Variants in SHROOM3 observed in about 807,000 individuals in gnomAD.
SHROOM3 encodes the protein protein Shroom3.
A neutral mutation model predicts 138.6 loss-of-function variants in SHROOM3; 47 were observed. The ratio of observed to expected loss-of-function variants is 0.34; its 90% confidence interval spans 0.27 to 0.43. The LOEUF (loss-of-function observed/expected upper bound fraction) is 0.43. Ranked by LOEUF, SHROOM3 falls within the 20% of genes least tolerant of loss-of-function variation. The pLI is 1.00. For synonymous variants in SHROOM3, 1,062 were observed against 1,063.3 expected (o/e 1.00, Z 0.02); for missense variants, 2,491 against 2,596.5 (o/e 0.96, Z 0.88).
intron 2 of SHROOM3, among the ~76,000 whole-genome samples, chr4:76,639,183 A>G (rs563237202): frequency 3.0e-4 from 46 of 152,286 alleles, no homozygotes; most frequent in African/African-American, 1.0e-3. Flanking sequence ...AATAACCCCA[A>G]TGGAACAATC....
intron 2 of SHROOM3, among the ~76,000 whole-genome samples, chr4:76,619,402 G>A (rs565831088): frequency 7.2e-5 from 11 of 152,264 alleles, no homozygotes; most frequent in Admixed American, 2.6e-4. Flanking sequence ...GACCAATCCA[G>A]TCTTGGGAGA....
chr4:76,646,984 A>G (rs1174707644), intron 2 of SHROOM3, among the ~76,000 whole-genome samples: 1 of 152,226 alleles, frequency 6.6e-6, no homozygotes, highest in East Asian at 1.9e-4. Flanking sequence ...TTTGAGCGCT[A>G]TTCACAATAG....
intron 9 of SHROOM3, among the ~76,000 whole-genome samples, chr4:76,765,642 C>T (rs778372996): frequency 2.0e-5 from 3 of 152,104 alleles, no homozygotes; most frequent in African/African-American, 4.8e-5. Flanking sequence ...ACGTTACTGG[C>T]GATGTGGTCT....
In SHROOM3 at chr4:76,779,503, C is replaced by T. The variant is rs1722677979; in HGVS notation, c.*326C>T. The T allele has an allele frequency of 3.6e-6, 1 of 278,718 alleles. No individual in the cohort carries two copies. The highest frequency in any genetic ancestry group is 6.8e-6 in the Non-Finnish European group (1 of 146,548). The allele number at this position is 278,718 out of a possible 1,614,324, so 17.3% of individuals were successfully genotyped here. On this transcript the variant is annotated 3_prime_UTR_variant, in exon 11 of 11. Coordinates refer to ENST00000296043, the MANE Select transcript of SHROOM3 (RefSeq NM_020859.4). The stretch of plus-strand genomic sequence containing the variant: ...TGAGGCAACATGGATCAGTGTGTGT[C>T]CCCCTCAGGAATGTATCCACAGTGG...
chr4:76,518,636 G>A (rs1028838652), intron 1 of SHROOM3, among the ~76,000 whole-genome samples: 12 of 151,784 alleles, frequency 7.9e-5, no homozygotes, highest in African/African-American at 2.2e-4. Context: ...ATCAAAAATG[G>A]CTGTTCACAT....
rs1186099037 is a variant in SHROOM3, at chr4:76,457,798, CT to C, written c.168+21593del. 6.9e-3 allele frequency among the ~76,000 whole-genome samples: 948 copies of C among 137,932 alleles called. 3 individuals are homozygous for C. Among genetic ancestry groups the C allele is most frequent in the African/African-American group, 0.017 (640 of 37,712 alleles). The allele number at this position is 137,932 out of a possible 152,430, so 90.5% of individuals were successfully genotyped here. ...AGCCACCGAGCCTGGCTTTTCTTTTCTTTTTTTTTTTTTTTGAGAGGGAGTC... is the reference window on the plus strand; with the variant it reads ...AGCCACCGAGCCTGGCTTTTCTTTTCTTTTTTTTTTTTTTGAGAGGGAGTC... On this transcript the variant is annotated intron_variant, in intron 1 of 10. Coordinates refer to ENST00000296043, the MANE Select transcript of SHROOM3 (RefSeq NM_020859.4).
At chr4:76,462,753 T>A (rs1429164989) in intron 1 of SHROOM3, among the ~76,000 whole-genome samples, 2 of 147,358 alleles carry the variant, frequency 1.4e-5, no homozygotes, top group African/African-American at 5.1e-5. Context: ...CATCTCCCTC[T>A]CCCTCTCCCT....
chr4:76,740,261 A>T lies in SHROOM3; in HGVS notation c.2088A>T (p.Ala696=). The change falls in exon 5 of 11, where the codon GCA becomes GCT. Residue 696 remains alanine (A), a synonymous_variant. Coordinates refer to ENST00000296043, the MANE Select transcript of SHROOM3 (RefSeq NM_020859.4). This position sits in a 1 kb window ranked among gnomAD's most constrained non-coding sequence, Gnocchi z 4.0. ...EGYPGGRPTC[A]VNTKAEDPGR... Reference sequence around the variant, plus strand: ...ACCCCGGGGGCAGGCCCACCTGTGCAGTCAACACCAAGGCAGAAGACCCTG... The same window carrying T: ...ACCCCGGGGGCAGGCCCACCTGTGCTGTCAACACCAAGGCAGAAGACCCTG... 1 of 1,613,268 alleles carries T rather than the reference A, an allele frequency of 6.2e-7. No individual in the cohort carries two copies.
chr4:76,664,731 TTAAGTA>T lies in SHROOM3; in HGVS notation c.324-45422_324-45417del, dbSNP rs909076933. 2.0e-5 allele frequency among the ~76,000 whole-genome samples: 3 copies of T among 152,236 alleles called. No homozygotes were observed. Among genetic ancestry groups the T allele is most frequent in the African/African-American group, 4.8e-5 (2 of 41,466 alleles). On this transcript the variant is annotated intron_variant, in intron 2 of 10. Coordinates refer to ENST00000296043, the MANE Select transcript of SHROOM3 (RefSeq NM_020859.4). The surrounding 1 kb of genome is among the most constrained non-coding windows in gnomAD (Gnocchi z 4.2). ...ATGTTAAGTGTATAGTTCAATAAGT[TTAAGTA>T]TATCAAAGTTATTGTGCAATGGAGC...
chr4:76,448,490 A>G (rs1479784627), intron 1 of SHROOM3, among the ~76,000 whole-genome samples: 3 of 152,174 alleles, frequency 2.0e-5, no homozygotes, highest in South Asian at 2.1e-4. Flanking sequence ...GCAACCCTCC[A>G]TGACCAACTG....
At chr4:76,587,961 A>G (rs576727541) in intron 2 of SHROOM3, among the ~76,000 whole-genome samples, 1 of 152,358 alleles carries the variant, frequency 6.6e-6, no homozygotes, top group South Asian at 2.1e-4. Flanking sequence ...GAATATATAA[A>G]TCAAAGGTAA....
intron 1 of SHROOM3, among the ~76,000 whole-genome samples, chr4:76,476,469 C>T (rs907989284): frequency 3.3e-5 from 5 of 152,296 alleles, no homozygotes; most frequent in African/African-American, 1.2e-4. Context: ...TTCTTGTAAA[C>T]CAGCTTAGTG....
rs769852334 is a variant in SHROOM3, at chr4:76,781,058, ACT to A, written c.*1884_*1885del. 6.6e-5 allele frequency: 10 copies of A among 151,954 alleles called. No individual in the cohort carries two copies. The highest frequency in any genetic ancestry group is 1.0e-4 in the Non-Finnish European group (7 of 67,998). 9.4% of individuals were successfully genotyped at this position (151,954 alleles called of 1,614,324 possible). ...ATCCAGGGGGCTCCCAGTTCCCAACACTCTTCGAGATGACCATTTTTCGGGAT... is the reference window on the plus strand; with the variant it reads ...ATCCAGGGGGCTCCCAGTTCCCAACACTTCGAGATGACCATTTTTCGGGAT... On this transcript the variant is annotated 3_prime_UTR_variant, in exon 11 of 11. Coordinates refer to ENST00000296043, the MANE Select transcript of SHROOM3 (RefSeq NM_020859.4).
chr4:76,554,956 G>T (rs1387671340), intron 1 of SHROOM3, among the ~76,000 whole-genome samples: 3 of 151,432 alleles, frequency 2.0e-5, no homozygotes, highest in Non-Finnish European at 2.9e-5. Context: ...ACATGCGAGG[G>T]ATCTAGGTAG....
intron 2 of SHROOM3, among the ~76,000 whole-genome samples, chr4:76,603,858 T>G (rs1232929902): frequency 6.7e-6 from 1 of 149,044 alleles, no homozygotes; most frequent in Non-Finnish European, 1.5e-5. Context: ...TTTTTTTTTT[T>G]TTGAGATGGA....
At chr4:76,523,862 C>T (rs564057922) in intron 1 of SHROOM3, among the ~76,000 whole-genome samples, 4 of 152,104 alleles carry the variant, frequency 2.6e-5, no homozygotes, top group East Asian at 1.9e-4. Flanking sequence ...GAACAAGGGG[C>T]GTGTGTGTGT....
rs559667555 is a variant in SHROOM3, at chr4:76,608,673, TAGCACAGCACAGCACAGCAC to T, written c.323+52950_323+52969del. Reference sequence around the variant, plus strand: ...TAGCATAGCATAGCATAGCACAGCATAGCACAGCACAGCACAGCACAGCACAGCACAGCACAGCACAGCAC... The same window carrying T: ...TAGCATAGCATAGCATAGCACAGCATAGCACAGCACAGCACAGCACAGCAC... On this transcript the variant is annotated intron_variant, in intron 2 of 10. Transcript: ENST00000296043. Among the ~76,000 whole-genome samples, 796 of 108,082 alleles carry T rather than the reference TAGCACAGCACAGCACAGCAC, an allele frequency of 7.4e-3. 106 individuals carry two copies. Among genetic ancestry groups the T allele is most frequent in the East Asian group, 0.023 (64 of 2,774 alleles). 70.9% of individuals were successfully genotyped at this position (108,082 alleles called of 152,430 possible). A position where few individuals can be genotyped will look rare whatever the true frequency, so the allele number is the denominator to read the frequency against.
chr4:76,752,460 T>A (rs940180376), intron 6 of SHROOM3, among the ~76,000 whole-genome samples: 17 of 152,224 alleles, frequency 1.1e-4, no homozygotes, highest in African/African-American at 3.6e-4. Context: ...CACAATTTTT[T>A]AAAAATGCTT....
chr4:76,706,229 C>G (rs1720046051), intron 2 of SHROOM3, among the ~76,000 whole-genome samples: 1 of 152,258 alleles, frequency 6.6e-6, no homozygotes, highest in African/African-American at 2.4e-5. Context: ...ATTCTCCTAC[C>G]TTAGCCTCCC....
Sources: allele counts gnomAD v4.1 joint callset (sites outside exome capture counted in the v4.1 genomes callset), GRCh38; gene constraint gnomAD v4.1.1; non-coding constraint Gnocchi (gnomAD v3.1); transcripts MANE v1.5; gene names NCBI Gene and HGNC (gene_info 2026-07-23, HGNC 2026-07-21).